RNF2: variants seen among roughly 807,000 people sequenced by gnomAD.
RNF2 encodes E3 ubiquitin-protein ligase RING2.
RNF2 carries 6 observed loss-of-function variants against 37.2 expected under a neutral mutation model. The observed-to-expected ratio is 0.16, with a 90% CI of 0.09 to 0.32. The LOEUF is 0.32. Among genes scored for constraint, RNF2 ranks in the 10% least tolerant of loss-of-function variants. RNF2 has a pLI of 1.00. For synonymous variants in RNF2, 133 were observed against 132.7 expected, an observed-to-expected ratio of 1.00 and a Z score of -0.02; for missense variants, 251 against 404.0, an observed-to-expected ratio of 0.62 and a Z score of 3.25.
intron 4 of RNF2, among the ~76,000 whole-genome samples, chr1:185,096,355 T>C (rs1651909728): frequency 6.6e-6 from 1 of 152,160 alleles, no homozygotes; most frequent in African/African-American, 2.4e-5. Flanking sequence ...GATTGGCTCC[T>C]CAAAGCTGAA....
chr1:185,063,486 T>C (rs1273928875), intron 1 of RNF2, among the ~76,000 whole-genome samples: 1 of 152,184 alleles, frequency 6.6e-6, no homozygotes, highest in Admixed American at 6.5e-5. Context: ...GATAAGACTA[T>C]TGAGCAAATA....
chr1:185,061,407 C>T (rs903120200), intron 1 of RNF2, among the ~76,000 whole-genome samples: 4 of 151,952 alleles, frequency 2.6e-5, no homozygotes, highest in African/African-American at 9.7e-5. Context: ...AGCTTCTGAT[C>T]TCAGGCAGAA....
chr1:185,100,336 T>A lies in RNF2; in HGVS notation c.*35T>A, dbSNP rs747853191. The stretch of plus-strand genomic sequence containing the variant: ...AACCAATTCTGAGACTGAACTTTTT[T>A]ATAGCCTATTTCTTTAATATTAAAG... On this transcript the variant is annotated 3_prime_UTR_variant, in exon 7 of 7. Coordinates refer to ENST00000367510, the MANE Select transcript of RNF2 (RefSeq NM_007212.4). The A allele has an allele frequency of 1.5e-6, 2 of 1,368,440 alleles. No homozygotes were observed. The highest frequency in any genetic ancestry group is 1.9e-5 in the Admixed American group (1 of 51,474). The allele number at this position is 1,368,440 out of a possible 1,614,324, so 84.8% of individuals were successfully genotyped here.
At chr1:185,049,656 T>G in intron 1 of RNF2, among the ~76,000 whole-genome samples, 1 of 148,854 alleles carries the variant, frequency 6.7e-6, no homozygotes. Flanking sequence ...TATAGGGAGT[T>G]GGTTAGATGA....
At chr1:185,084,369 G>A (rs910749699) in intron 1 of RNF2, among the ~76,000 whole-genome samples, 2 of 152,166 alleles carry the variant, frequency 1.3e-5, no homozygotes, top group Non-Finnish European at 2.9e-5. Context: ...CTTAGGAAAG[G>A]ATAGTTCATT....
intron 1 of RNF2, among the ~76,000 whole-genome samples, chr1:185,068,815 ACT>A (rs989455292): frequency 1.2e-4 from 18 of 152,128 alleles, no homozygotes; most frequent in African/African-American, 4.1e-4. Flanking sequence ...GTTTACCTAA[ACT>A]CTTTCTCCTT....
At chr1:185,085,441 C>T (rs1651560541) in intron 1 of RNF2, among the ~76,000 whole-genome samples, 1 of 151,842 alleles carries the variant, frequency 6.6e-6, no homozygotes, top group African/African-American at 2.4e-5. Context: ...CGGCCTGACC[C>T]TTCTTTCTTA....
intron 1 of RNF2, among the ~76,000 whole-genome samples, chr1:185,085,149 T>TTTTC (rs1553241943): frequency 7.1e-6 from 1 of 141,496 alleles, no homozygotes; most frequent in Non-Finnish European, 1.5e-5. Context: ...CTTTTTCTTT[T>TTTTC]TTTTTTTTTT....
chr1:185,102,013 T>TGACATTAGATTA lies in RNF2; in HGVS notation c.*1714_*1725dup, dbSNP rs1331754002. On this transcript the variant is annotated 3_prime_UTR_variant, in exon 7 of 7. Coordinates refer to ENST00000367510, the MANE Select transcript of RNF2 (RefSeq NM_007212.4). ...GATAAAACTGCTTAGATTTTGTTGA[T>TGACATTAGATTA]GACATTAGATTAGTAGTTGCATTAA... The TGACATTAGATTA allele has an allele frequency of 9.8e-5, 15 of 152,560 alleles. No homozygotes were observed. Among genetic ancestry groups the TGACATTAGATTA allele is most frequent in the Non-Finnish European group, 2.1e-4 (14 of 68,002 alleles). 9.5% of individuals were successfully genotyped at this position (152,560 alleles called of 1,614,324 possible). A position where few individuals can be genotyped will look rare whatever the true frequency, so the allele number is the denominator to read the frequency against.
At chr1:185,096,226 C>G (rs1246028018) in intron 4 of RNF2, among the ~76,000 whole-genome samples, 2 of 151,760 alleles carry the variant, frequency 1.3e-5, no homozygotes, top group Non-Finnish European at 1.5e-5. Flanking sequence ...TTATTTTAGC[C>G]CGTTCATACC....
chr1:185,047,106 T>C (rs1255688609), intron 1 of RNF2, among the ~76,000 whole-genome samples: 1 of 152,218 alleles, frequency 6.6e-6, no homozygotes, highest in Non-Finnish European at 1.5e-5. Flanking sequence ...GTGACTCCTT[T>C]TTCTAGGGGT....
At chr1:185,047,207 A>C (rs1650145092) in intron 1 of RNF2, among the ~76,000 whole-genome samples, 1 of 152,238 alleles carries the variant, frequency 6.6e-6, no homozygotes, top group African/African-American at 2.4e-5. Flanking sequence ...GGTTAATTAT[A>C]GTAGAGGCAG....
At chr1:185,046,479 G>C (rs1650124977) in intron 1 of RNF2, among the ~76,000 whole-genome samples, 1 of 152,082 alleles carries the variant, frequency 6.6e-6, no homozygotes, top group Admixed American at 6.6e-5. Context: ...TTTCAGAGAT[G>C]GTGTTAGTAA....
At chr1:185,058,590 T>C (rs1349898590) in intron 1 of RNF2, among the ~76,000 whole-genome samples, 1 of 152,216 alleles carries the variant, frequency 6.6e-6, no homozygotes, top group Non-Finnish European at 1.5e-5. Flanking sequence ...TCCTCTTTAT[T>C]GTTCGGTAAT....
chr1:185,060,838 G>T (rs1286649784), intron 1 of RNF2, among the ~76,000 whole-genome samples: 1 of 152,202 alleles, frequency 6.6e-6, no homozygotes, highest in Non-Finnish European at 1.5e-5. Flanking sequence ...GAGGAAACAG[G>T]CTGGGCAAGG....
chr1:185,096,316 T>TTAA (rs1651908583), intron 4 of RNF2, among the ~76,000 whole-genome samples: 1 of 152,174 alleles, frequency 6.6e-6, no homozygotes, highest in African/African-American at 2.4e-5. Context: ...TTCAGTAGTG[T>TTAA]TAAGTACATT....
At chr1:185,075,397 A>ATT (rs1651117274) in intron 1 of RNF2, among the ~76,000 whole-genome samples, 1 of 152,196 alleles carries the variant, frequency 6.6e-6, no homozygotes, top group African/African-American at 2.4e-5. Flanking sequence ...TACTGTAATT[A>ATT]TGCCTTAACT....
At chr1:185,090,207 A>G (rs1026207906) in intron 2 of RNF2, among the ~76,000 whole-genome samples, 2 of 152,154 alleles carry the variant, frequency 1.3e-5, no homozygotes, top group Non-Finnish European at 2.9e-5. Context: ...GGTGTGAGCC[A>G]TCGTGCCTGG....
intron 1 of RNF2, among the ~76,000 whole-genome samples, chr1:185,053,308 TCA>T (rs1249624109): frequency 6.6e-6 from 1 of 152,048 alleles, no homozygotes; most frequent in Non-Finnish European, 1.5e-5. Context: ...CATTATTTTC[TCA>T]CTTTGCTTCA....
Sources: gnomAD v4.1 joint callset for allele counts (sites outside exome capture counted in the v4.1 genomes callset) on GRCh38, gnomAD v4.1.1 for gene constraint, MANE v1.5 for transcripts, NCBI Gene and HGNC (gene_info 2026-07-23, HGNC 2026-07-21) for gene names.